GRIK1: variants seen among roughly 807,000 people sequenced by gnomAD.
GRIK1 encodes the protein glutamate ionotropic receptor kainate type subunit 1.
A neutral mutation model predicts 105.7 loss-of-function variants in GRIK1; 69 were observed. That is an observed-to-expected ratio of 0.65 (90% CI 0.54 to 0.80). GRIK1 has a LOEUF of 0.80. Among genes scored for constraint, GRIK1 ranks in the 30% least tolerant of loss-of-function variants. GRIK1 has a pLI of 0.00. For missense variants in GRIK1, 1,109 were observed against 1,167.3 expected, an observed-to-expected ratio of 0.95 and a Z score of 0.73; for synonymous variants, 438 against 431.3, an observed-to-expected ratio of 1.02 and a Z score of -0.19.
chr21:29,597,092 A>T (rs1411616802), intron 8 of GRIK1, among the ~76,000 whole-genome samples: 1 of 152,036 alleles, frequency 6.6e-6, no homozygotes, highest in Non-Finnish European at 1.5e-5. Flanking sequence ...TTTTCTAATA[A>T]TTTTCCCTAT....
intron 1 of GRIK1, among the ~76,000 whole-genome samples, chr21:29,796,682 C>T (rs142075173): frequency 6.6e-6 from 1 of 152,052 alleles, no homozygotes; most frequent in African/African-American, 2.4e-5. Context: ...GGTGAGGTAG[C>T]TCACACCTGT....
intron 1 of GRIK1, among the ~76,000 whole-genome samples, chr21:29,781,610 T>C (rs578259654): frequency 2.0e-5 from 3 of 151,918 alleles, no homozygotes; most frequent in South Asian, 2.1e-4. Flanking sequence ...ATTTTTTTTT[T>C]TCTCAGCACT....
intron 1 of GRIK1, among the ~76,000 whole-genome samples, chr21:29,824,832 C>T (rs1340389051): frequency 3.3e-5 from 5 of 151,984 alleles, no homozygotes; most frequent in Non-Finnish European, 7.4e-5. Flanking sequence ...TCGACTTTAA[C>T]AGCATCCCAC....
At chr21:29,889,569 AG>A (rs1233635324) in intron 1 of GRIK1, among the ~76,000 whole-genome samples, 1 of 151,790 alleles carries the variant, frequency 6.6e-6, no homozygotes, top group Non-Finnish European at 1.5e-5. Flanking sequence ...GGCATTTGAC[AG>A]TATGATATTA....
intron 4 of GRIK1, among the ~76,000 whole-genome samples, chr21:29,662,592 A>C (rs955168930): frequency 1.3e-5 from 2 of 152,100 alleles, no homozygotes; most frequent in Non-Finnish European, 2.9e-5. Flanking sequence ...TGAAAACTAT[A>C]CCTCAAATTT....
chr21:29,710,643 T>A (rs983709898), intron 1 of GRIK1, among the ~76,000 whole-genome samples: 3 of 152,180 alleles, frequency 2.0e-5, no homozygotes, highest in African/African-American at 4.8e-5. Flanking sequence ...TGACTATTTT[T>A]AATTATTTTT....
intron 1 of GRIK1, among the ~76,000 whole-genome samples, chr21:29,717,119 A>C (rs1330792585): frequency 6.6e-6 from 1 of 152,268 alleles, no homozygotes; most frequent in Non-Finnish European, 1.5e-5. Context: ...GATGTCAAGA[A>C]TGAAGGTTTG....
At chr21:29,654,155 C>A (rs955181771) in intron 5 of GRIK1, among the ~76,000 whole-genome samples, 2 of 151,964 alleles carry the variant, frequency 1.3e-5, no homozygotes, top group Admixed American at 1.3e-4. Context: ...GAGGTGGGGG[C>A]TGTCACTGAT....
At chr21:29,587,298 C>T in intron 12 of GRIK1, 68 bp downstream of exon 12, 1 of 969,168 alleles carries the variant, frequency 1.0e-6, no homozygotes, top group South Asian at 1.4e-5. Flanking sequence ...TTTTTGTCTG[C>T]CTCTGGGACA....
At chr21:29,886,732 C>T (rs1569190202) in intron 1 of GRIK1, among the ~76,000 whole-genome samples, 1 of 152,046 alleles carries the variant, frequency 6.6e-6, no homozygotes, top group Non-Finnish European at 1.5e-5. Context: ...TTCTTATCAC[C>T]AGGTTAATAG....
chr21:29,537,962 T>C, intron 16 of GRIK1, 78 bp from the exon 17 acceptor site: 1 of 692,730 alleles, frequency 1.4e-6, no homozygotes, highest in Non-Finnish European at 2.5e-6. Context: ...GCAGCAGCAA[T>C]GATGCAGCTG....
chr21:29,693,195 G>A (rs572355928), intron 2 of GRIK1, among the ~76,000 whole-genome samples: 3 of 152,304 alleles, frequency 2.0e-5, no homozygotes, highest in East Asian at 3.9e-4. Context: ...CCTGTTAGAA[G>A]CCAACCCTCA....
intron 1 of GRIK1, among the ~76,000 whole-genome samples, chr21:29,799,692 A>C (rs1262641109): frequency 6.6e-6 from 1 of 151,918 alleles, no homozygotes; most frequent in Non-Finnish European, 1.5e-5. Context: ...ACCATGCCCG[A>C]CTAATTTTTG....
intron 8 of GRIK1, among the ~76,000 whole-genome samples, chr21:29,597,384 A>G (rs1568865752): frequency 6.6e-6 from 1 of 152,210 alleles, no homozygotes; most frequent in Non-Finnish European, 1.5e-5. Context: ...CAATAGCTCC[A>G]TCTATTTCAT....
At chr21:29,661,670 T>C (rs946290806) in intron 4 of GRIK1, among the ~76,000 whole-genome samples, 16 of 152,212 alleles carry the variant, frequency 1.1e-4, no homozygotes, top group Non-Finnish European at 1.8e-4. Flanking sequence ...GCCACTAAAT[T>C]TGGCTTAAAC....
At chr21:29,754,219 A>G (rs1343186769) in intron 1 of GRIK1, among the ~76,000 whole-genome samples, 1 of 152,188 alleles carries the variant, frequency 6.6e-6, no homozygotes, top group Non-Finnish European at 1.5e-5. Flanking sequence ...ATTTTTCCAT[A>G]CTAATGAAGT....
At chr21:29,757,874 C>T (rs1363709780) in intron 1 of GRIK1, among the ~76,000 whole-genome samples, 1 of 152,184 alleles carries the variant, frequency 6.6e-6, no homozygotes, top group Non-Finnish European at 1.5e-5. Flanking sequence ...TTTCCATATC[C>T]CTAATTGGCA....
intron 6 of GRIK1, among the ~76,000 whole-genome samples, chr21:29,648,349 T>A (rs35539444): frequency 6.6e-6 from 1 of 152,090 alleles, no homozygotes; most frequent in Non-Finnish European, 1.5e-5. Context: ...TGACTAATTT[T>A]AAAAAAACAC....
At chr21:29,711,437 A>G (rs2064046668) in intron 1 of GRIK1, among the ~76,000 whole-genome samples, 2 of 152,244 alleles carry the variant, frequency 1.3e-5, no homozygotes, top group Non-Finnish European at 2.9e-5. Flanking sequence ...GCATTTTTCC[A>G]GAATATAGAC....
Sources: allele counts gnomAD v4.1 joint callset (sites outside exome capture counted in the v4.1 genomes callset), GRCh38; gene constraint gnomAD v4.1.1; transcripts MANE v1.5; gene names NCBI Gene and HGNC (gene_info 2026-07-23, HGNC 2026-07-21).